Variants in MIR2052HG observed in about 807,000 individuals in gnomAD.
MIR2052HG encodes the protein MIR2052 host gene.
At chr8:74,723,229 A>G (rs1586923852) in intron 4 of MIR2052HG, among the ~76,000 whole-genome samples, 3 of 152,300 alleles carry the variant, frequency 2.0e-5, no homozygotes, top group African/African-American at 7.2e-5. Context: ...CTCTAATTCT[A>G]TCAGCAGATT....
chr8:74,624,765 A>T (rs1267872809), intron 2 of MIR2052HG, among the ~76,000 whole-genome samples: 1 of 152,184 alleles, frequency 6.6e-6, no homozygotes, highest in Non-Finnish European at 1.5e-5. Context: ...CCTAACACTT[A>T]AATACTTTGA....
chr8:74,679,999 A>G (rs1263993587), intron 2 of MIR2052HG, among the ~76,000 whole-genome samples: 1 of 152,216 alleles, frequency 6.6e-6, no homozygotes, highest in Non-Finnish European at 1.5e-5. Flanking sequence ...ATACTGGAAG[A>G]AAGAAGGATA....
intron 2 of MIR2052HG, among the ~76,000 whole-genome samples, chr8:74,636,372 G>C (rs1315133319): frequency 6.6e-6 from 1 of 151,836 alleles, no homozygotes; most frequent in African/African-American, 2.4e-5. Flanking sequence ...ATTTTTTCTC[G>C]GAAAACAGTT....
At chr8:74,681,700 T>A (rs1809127200) in intron 2 of MIR2052HG, among the ~76,000 whole-genome samples, 1 of 152,186 alleles carries the variant, frequency 6.6e-6, no homozygotes, top group Non-Finnish European at 1.5e-5. Context: ...TTGCTCTCTG[T>A]CTTATGTTCT....
chr8:74,619,947 T>G (rs1463737483), intron 2 of MIR2052HG, among the ~76,000 whole-genome samples: 1 of 152,210 alleles, frequency 6.6e-6, no homozygotes, highest in Non-Finnish European at 1.5e-5. Flanking sequence ...GCAAGTCCCT[T>G]CTGCCTATGA....
rs139371993 is a variant in MIR2052HG, at chr8:74,682,155, A to G, written n.217-20224A>G. Among the ~76,000 whole-genome samples, 3 of 152,312 alleles carry G rather than the reference A, an allele frequency of 2.0e-5. No individual in the cohort carries two copies. In the East Asian group the frequency reaches 5.8e-4, roughly 29 times the overall value. On this transcript the variant is annotated intron_variant and non_coding_transcript_variant, in intron 2 of 6. Coordinates refer to ENST00000523442, the Ensembl canonical transcript of MIR2052HG. ...ACACCTGAAATACATACAATATATAAAAAATGCAGTTGAAAAATTTAAATG... is the reference window on the plus strand; with the variant it reads ...ACACCTGAAATACATACAATATATAGAAAATGCAGTTGAAAAATTTAAATG...
At chr8:74,643,353 A>T (rs1808660074) in intron 2 of MIR2052HG, among the ~76,000 whole-genome samples, 1 of 150,420 alleles carries the variant, frequency 6.6e-6, no homozygotes, top group Non-Finnish European at 1.5e-5. Flanking sequence ...CAGTAGAATT[A>T]AAAAAAAAAT....
At chr8:74,690,356 G>C (rs1809226394) in intron 2 of MIR2052HG, among the ~76,000 whole-genome samples, 1 of 152,184 alleles carries the variant, frequency 6.6e-6, no homozygotes, top group Non-Finnish European at 1.5e-5. Flanking sequence ...GAGGATTCCA[G>C]ATTGAGGAAA....
intron 2 of MIR2052HG, among the ~76,000 whole-genome samples, chr8:74,617,540 CAT>C (rs773905893): frequency 6.7e-6 from 1 of 149,862 alleles, no homozygotes; most frequent in African/African-American, 2.5e-5. Flanking sequence ...GGTGTATATA[CAT>C]ATATATATGT....
At chr8:74,657,900 G>T (rs1344876092) in intron 2 of MIR2052HG, among the ~76,000 whole-genome samples, 1 of 152,000 alleles carries the variant, frequency 6.6e-6, no homozygotes, top group Admixed American at 6.6e-5. Context: ...ATCAGAATCT[G>T]CATTTTCACA....
intron 2 of MIR2052HG, among the ~76,000 whole-genome samples, chr8:74,674,118 C>T (rs535166061): frequency 1.4e-5 from 2 of 144,882 alleles, no homozygotes; most frequent in South Asian, 2.2e-4. Context: ...TGGTGTAGAC[C>T]GGTTATACCA....
intron 2 of MIR2052HG, among the ~76,000 whole-genome samples, chr8:74,685,337 G>A (rs544384222): frequency 1.8e-4 from 28 of 152,094 alleles, no homozygotes; most frequent in African/African-American, 6.7e-4. Context: ...TTATTCATTT[G>A]AGAAAACCAT....
intron 2 of MIR2052HG, among the ~76,000 whole-genome samples, chr8:74,644,742 T>C (rs907969054): frequency 2.0e-5 from 3 of 151,786 alleles, no homozygotes; most frequent in Non-Finnish European, 2.9e-5. Flanking sequence ...AATAAATAAA[T>C]TAGCCGGGCA....
intron 2 of MIR2052HG, among the ~76,000 whole-genome samples, chr8:74,687,082 C>T (rs1250980779): frequency 6.6e-6 from 1 of 152,098 alleles, no homozygotes; most frequent in Non-Finnish European, 1.5e-5. Context: ...AAATGGCCAG[C>T]AAGTGTATGA....
intron 2 of MIR2052HG, among the ~76,000 whole-genome samples, chr8:74,618,060 A>G (rs1197436257): frequency 6.6e-6 from 1 of 152,206 alleles, no homozygotes; most frequent in Non-Finnish European, 1.5e-5. Flanking sequence ...GAAGTGCCGT[A>G]CTATTCAGTC....
intron 2 of MIR2052HG, among the ~76,000 whole-genome samples, chr8:74,661,494 C>T (rs1426760725): frequency 6.6e-6 from 1 of 152,116 alleles, no homozygotes; most frequent in East Asian, 1.9e-4. Flanking sequence ...AGTCACTGTG[C>T]CTGGCCTGGT....
chr8:74,737,936 G>A (rs1406621534), intron 4 of MIR2052HG, among the ~76,000 whole-genome samples: 1 of 151,920 alleles, frequency 6.6e-6, no homozygotes, highest in African/African-American at 2.4e-5. Context: ...TATTTTGTTG[G>A]GTATAGTGAA....
intron 3 of MIR2052HG, among the ~76,000 whole-genome samples, chr8:74,702,994 G>A (rs1809373176): frequency 6.6e-6 from 1 of 152,050 alleles, no homozygotes; most frequent in Non-Finnish European, 1.5e-5. Flanking sequence ...GAAAAGTTCT[G>A]CAACGTTTTG....
intron 2 of MIR2052HG, among the ~76,000 whole-genome samples, chr8:74,635,018 A>G (rs1808564913): frequency 6.6e-6 from 1 of 152,212 alleles, no homozygotes; most frequent in Admixed American, 6.6e-5. Flanking sequence ...ATGAAGAACA[A>G]GGTAAGTTAC....
Sources: gnomAD v4.1 joint callset for allele counts (sites outside exome capture counted in the v4.1 genomes callset) on GRCh38, gnomAD v4.1.1 for gene constraint, MANE v1.5 for transcripts, NCBI Gene and HGNC (gene_info 2026-07-23, HGNC 2026-07-21) for gene names.